Variants in PRKCH observed in about 807,000 individuals in gnomAD.
PRKCH encodes protein kinase C eta type.
A neutral mutation model predicts 82.5 loss-of-function variants in PRKCH; 28 were observed. The ratio of observed to expected loss-of-function variants is 0.34; its 90% CI spans 0.25 to 0.47. The LOEUF is 0.47. PRKCH is among the 20% of genes least tolerant of loss of function. PRKCH has a pLI of 1.00. For synonymous variants in PRKCH, 322 were observed against 327.4 expected (o/e 0.98, Z 0.18); for missense variants, 705 against 881.8 (o/e 0.80, Z 2.54).
chr14:61,531,603 A>T (rs1288876488), intron 12 of PRKCH, among the ~76,000 whole-genome samples: 1 of 152,200 alleles, frequency 6.6e-6, no homozygotes, highest in Non-Finnish European at 1.5e-5. Flanking sequence ...GTCCCTGAGA[A>T]TTCTCTACAT....
At chr14:61,488,938 A>G (rs1344686348) in intron 10 of PRKCH, among the ~76,000 whole-genome samples, 2 of 152,220 alleles carry the variant, frequency 1.3e-5, no homozygotes, top group Non-Finnish European at 2.9e-5. Flanking sequence ...TCTAACTGAT[A>G]TGGTTGACTT....
At chr14:61,448,041 C>T (rs1009041447) in intron 4 of PRKCH, among the ~76,000 whole-genome samples, 1 of 152,140 alleles carries the variant, frequency 6.6e-6, no homozygotes, top group Non-Finnish European at 1.5e-5. Context: ...TAAGCCTTTA[C>T]CAAGCTAACC....
In PRKCH at chr14:61,321,859, C is replaced by T. The variant is rs928818095; in HGVS notation, c.-243C>T. The T allele has an allele frequency of 1.4e-5, 6 of 426,152 alleles. No individual in the cohort carries two copies. The highest frequency in any genetic ancestry group is 4.1e-5 in the African/African-American group (2 of 48,938). The allele number at this position is 426,152 out of a possible 1,614,324, so 26.4% of individuals were successfully genotyped here. Reference sequence around the variant, plus strand: ...GCGCTTGGAAGGGACGGTCGGGCTTCCCCGGCCCGCTGAGGGCTCGGCGGC... The same window carrying T: ...GCGCTTGGAAGGGACGGTCGGGCTTTCCCGGCCCGCTGAGGGCTCGGCGGC... On this transcript the variant is annotated 5_prime_UTR_variant, in exon 1 of 14. Coordinates refer to ENST00000332981, the MANE Select transcript of PRKCH (RefSeq NM_006255.5). The surrounding 1 kb of genome is among the most constrained non-coding windows in gnomAD (Gnocchi z 4.1).
At chr14:61,319,878 C>A (rs1321087909), upstream of PRKCH, among the ~76,000 whole-genome samples, 2 of 152,244 alleles carry the variant, frequency 1.3e-5, no homozygotes, top group African/African-American at 4.8e-5. Context: ...GTTTTCAAGA[C>A]AGGCCCTTTC....
chr14:61,249,476 T>C (rs1386841961), intron 1 of PRKCH, among the ~76,000 whole-genome samples: 5 of 146,986 alleles, frequency 3.4e-5, no homozygotes, highest in Non-Finnish European at 7.4e-5. Context: ...TTAGTATGCA[T>C]GGTCCTTTAC....
intron 1 of PRKCH, among the ~76,000 whole-genome samples, chr14:61,368,814 G>A (rs781128317): frequency 6.6e-5 from 10 of 152,104 alleles, no homozygotes; most frequent in Non-Finnish European, 1.2e-4. Flanking sequence ...CTTTGAAAAT[G>A]ACATTTAATT....
intron 10 of PRKCH, among the ~76,000 whole-genome samples, chr14:61,486,353 C>T (rs1440215423): frequency 1.3e-5 from 2 of 152,202 alleles, no homozygotes; most frequent in Non-Finnish European, 2.9e-5. Flanking sequence ...CACTTGTGAG[C>T]AGTGTCCTGC....
At chr14:61,275,413 A>G (rs1053819135) in intron 1 of PRKCH, among the ~76,000 whole-genome samples, 2 of 152,240 alleles carry the variant, frequency 1.3e-5, no homozygotes, top group African/African-American at 4.8e-5. Flanking sequence ...ATCATTATTA[A>G]TGACACATCA....
At chr14:61,276,387 A>T (rs1453552913) in intron 1 of PRKCH, among the ~76,000 whole-genome samples, 1 of 150,396 alleles carries the variant, frequency 6.6e-6, no homozygotes, top group Non-Finnish European at 1.5e-5. Context: ...ACAGAGTCTC[A>T]CTCTGTCACC....
At chr14:61,473,010 C>G (rs919667678) in intron 9 of PRKCH, among the ~76,000 whole-genome samples, 1 of 152,126 alleles carries the variant, frequency 6.6e-6, no homozygotes, top group African/African-American at 2.4e-5. Context: ...CATGATTGAT[C>G]CTCGTGGAGG....
chr14:61,438,417 A>G (rs1883782453), intron 2 of PRKCH, among the ~76,000 whole-genome samples: 1 of 152,226 alleles, frequency 6.6e-6, no homozygotes, highest in African/African-American at 2.4e-5. Context: ...GCCATGCCAG[A>G]AATTTTCTCT....
Position 61,428,782 on chromosome 14 carries a change from C to T in PRKCH, c.428-14329C>T, listed in dbSNP as rs141086478. Reference sequence around the variant, plus strand: ...GAAAAATTTCTGTGTCTATCAATCACGGAAAGTATTCCCCACTGGTTTGAT... The same window carrying T: ...GAAAAATTTCTGTGTCTATCAATCATGGAAAGTATTCCCCACTGGTTTGAT... On this transcript the variant is annotated intron_variant, in intron 2 of 13. Transcript: ENST00000332981. 1.0e-3 allele frequency among the ~76,000 whole-genome samples: 157 copies of T among 152,270 alleles called. 4 individuals carry two copies. The East Asian group carries it at 0.022, about 21-fold the overall frequency.
chr14:61,381,022 T>C (rs1314056659), intron 1 of PRKCH, among the ~76,000 whole-genome samples: 1 of 152,140 alleles, frequency 6.6e-6, no homozygotes, highest in Non-Finnish European at 1.5e-5. Flanking sequence ...GCCATAAGGA[T>C]GTATTTTAGA....
intron 1 of PRKCH, among the ~76,000 whole-genome samples, chr14:61,246,938 C>T (rs183339058): frequency 3.9e-5 from 6 of 152,184 alleles, no homozygotes; most frequent in Non-Finnish European, 7.4e-5. Flanking sequence ...CCCTCTTCGG[C>T]CCCCATTGTT....
At chr14:61,360,223 G>T (rs1406830202) in intron 1 of PRKCH, among the ~76,000 whole-genome samples, 1 of 152,254 alleles carries the variant, frequency 6.6e-6, no homozygotes, top group African/African-American at 2.4e-5. Flanking sequence ...AACTCGAAGA[G>T]GTTGGGTGCA....
At chr14:61,252,765 AAC>A (rs2044957556) in intron 1 of PRKCH, among the ~76,000 whole-genome samples, 1 of 152,236 alleles carries the variant, frequency 6.6e-6, no homozygotes, top group Admixed American at 6.5e-5. Flanking sequence ...CTACTGTTCA[AAC>A]ACAGTCATTA....
At chr14:61,308,894 G>A (rs190909237) in intron 1 of PRKCH, among the ~76,000 whole-genome samples, 1 of 152,018 alleles carries the variant, frequency 6.6e-6, no homozygotes, top group African/African-American at 2.4e-5. Flanking sequence ...CTCCCACAAT[G>A]CTGGGATTAC....
chr14:61,536,498 T>C (rs368209859), intron 12 of PRKCH, among the ~76,000 whole-genome samples: 10 of 152,008 alleles, frequency 6.6e-5, no homozygotes, highest in African/African-American at 2.2e-4. Flanking sequence ...CTCTCTACAG[T>C]CTTAGTGTGG....
At chr14:61,357,641 A>G (rs1594942803) in intron 1 of PRKCH, among the ~76,000 whole-genome samples, 1 of 152,138 alleles carries the variant, frequency 6.6e-6, no homozygotes, top group East Asian at 1.9e-4. Flanking sequence ...ACTCCAGTGG[A>G]CACGCTATAG....
Sources: allele counts gnomAD v4.1 joint callset (sites outside exome capture counted in the v4.1 genomes callset), GRCh38; gene constraint gnomAD v4.1.1; non-coding constraint Gnocchi (gnomAD v3.1); transcripts MANE v1.5; gene names NCBI Gene and HGNC (gene_info 2026-07-23, HGNC 2026-07-21).